The following ZC2HC1C variants were observed in gnomAD, a reference collection of about 807,000 sequenced individuals.
ZC2HC1C encodes the protein zinc finger C2HC-type containing 1C, also known as zinc finger C2HC domain-containing protein 1C.
A neutral mutation model predicts 39.2 loss-of-function variants in ZC2HC1C; 25 were observed. The ratio of observed to expected loss-of-function variants is 0.64; its 90% confidence interval spans 0.47 to 0.89. The LOEUF is 0.89. Ranked by LOEUF, ZC2HC1C falls within the 40% of genes least tolerant of loss-of-function variation. The pLI, the probability that ZC2HC1C is intolerant of heterozygous loss-of-function variation, is 0.00. For missense variants in ZC2HC1C, 519 were observed against 548.6 expected (o/e 0.95, Z 0.54); for synonymous variants, 209 against 214.4 (o/e 0.97, Z 0.22).
chr14:75,070,276 C>T (rs1893296490), intron 1 of ZC2HC1C, among the ~76,000 whole-genome samples: 1 of 152,174 alleles, frequency 6.6e-6, no homozygotes, highest in Admixed American at 6.5e-5. Context: ...ATAGAGTATA[C>T]TGTGCGTGGC....
chr14:75,070,581 G>A lies in ZC2HC1C; in HGVS notation c.8G>A (p.Gly3Asp). ...CGTCAGTCCAGGCCCTGAATGGCTG[G>A]TCTCCAGCGGTTGGCGTCACATCTG... Reference protein sequence around the residue: MAGLQRLASHLPV... With the variant: MADLQRLASHLPV... The change falls in exon 2 of 3, where the codon GGT (glycine) becomes GAT (aspartate). Residue 3 changes from glycine (G) to aspartate (D), a missense_variant. By Grantham distance (94) the Gly-to-Asp change is moderately conservative. Transcript: ENST00000524913. The A allele has an allele frequency of 6.2e-7, 1 of 1,608,916 alleles. No homozygotes were observed. Among genetic ancestry groups the A allele is most frequent in the Non-Finnish European group, 8.5e-7 (1 of 1,177,348 alleles).
At chr14:75,075,391 C>T (rs1470897727) in intron 2 of ZC2HC1C, among the ~76,000 whole-genome samples, 1 of 152,160 alleles carries the variant, frequency 6.6e-6, no homozygotes, top group African/African-American at 2.4e-5. Flanking sequence ...TTACTCCTTC[C>T]TTTGCTGAAG....
At position 75,071,205 on chromosome 14, in the gene ZC2HC1C, TGCAGATCCGA is replaced by T; in HGVS notation, c.633_642del (p.Gln212AspfsTer2). The T allele has an allele frequency of 6.2e-7, 1 of 1,614,020 alleles. No individual in the cohort carries two copies. Among genetic ancestry groups the T allele is most frequent in the Non-Finnish European group, 8.5e-7 (1 of 1,180,002 alleles). ...GCAAACTTTGACAGGACGGAGTGGG[TGCAGATCCGA>T]AGACTAGAAGCTGCAGGGGAGAGCT... On this transcript the variant is annotated frameshift_variant, in exon 2 of 3. Coordinates refer to ENST00000524913, the MANE Select transcript of ZC2HC1C (RefSeq NM_024643.4). LOFTEE classifies it high-confidence loss of function.
rs373057024 is a variant in ZC2HC1C at position 75,071,488 on chromosome 14, T to C, written c.915T>C (p.Thr305=). Residue 305 remains threonine, a synonymous_variant, in exon 2 of 3, where the codon ACT becomes ACC. Coordinates refer to ENST00000524913, the MANE Select transcript of ZC2HC1C (RefSeq NM_024643.4). ...GTAGAGACAGGAGAGAGGATGAAAC[T>C]TGGGGACGGTCTCAACAAAATTCAG... ...EFSRDRREDE[T]WGRSQQNSGP... The C allele has an allele frequency of 3.7e-6, 6 of 1,614,028 alleles. No individual in the cohort carries two copies. In the East Asian group the frequency reaches 8.9e-5, roughly 24 times the overall value.
chr14:75,070,489 G>C, intron 1 of ZC2HC1C, 66 bp from the exon 2 acceptor site: 1 of 1,508,806 alleles, frequency 6.6e-7, no homozygotes, highest in Non-Finnish European at 8.9e-7. Flanking sequence ...GAAATAGTTT[G>C]CTTTAGCAGC....
rs202071124 is a variant in ZC2HC1C at position 75,070,643 on chromosome 14, G to C, written c.70G>C (p.Ala24Pro). 651 of 1,614,176 alleles carry C rather than the reference G, an allele frequency of 4.0e-4. 3 individuals carry two copies. The South Asian group carries it at 4.9e-3, about 12-fold the overall frequency. Residue 24 changes from alanine (A) to proline (P), a missense_variant, in exon 2 of 3, where the codon GCT becomes CCT. Ala to Pro is a conservative substitution (Grantham distance 27). Transcript: ENST00000524913. ...TATGCTCCCACATAATACAACGGAA[G>C]CTCCAGGGCCCCACTCAGCCAAGCA... Reference protein sequence around the residue: ...GVMLPHNTTEAPGPHSAKQDS... With the variant: ...GVMLPHNTTEPPGPHSAKQDS...
At position 75,078,790 on chromosome 14, in the gene ZC2HC1C, G is replaced by A. The variant is rs947712579; in HGVS notation, c.*1226G>A. ...ACATGCCCTTGGCAATTATAGCATA[G>A]TCAACTTCTATTTCAGAGAGTAAAC... On this transcript the variant is annotated 3_prime_UTR_variant, in exon 3 of 3. Coordinates refer to ENST00000524913, the MANE Select transcript of ZC2HC1C (RefSeq NM_024643.4). 7 of 152,182 alleles carry A rather than the reference G, an allele frequency of 4.6e-5. No individual in the cohort carries two copies. The highest frequency in any genetic ancestry group is 1.7e-4 in the African/African-American group (7 of 41,430). 9.4% of individuals were successfully genotyped at this position (152,182 alleles called of 1,614,324 possible).
At position 75,070,926 on chromosome 14, in the gene ZC2HC1C, C is replaced by T; in HGVS notation, c.353C>T (p.Pro118Leu). Residue 118 changes from proline to leucine, a missense_variant, in exon 2 of 3, where the codon CCC becomes CTC. Transcript: ENST00000524913. ...FYSSGPQSWY[P>L]KANNQDFIPF... ...TCGTCAGGCCCTCAATCCTGGTATC[C>T]CAAAGCCAATAACCAGGACTTTATC... 3 of 1,614,162 alleles carry T rather than the reference C, an allele frequency of 1.9e-6. No individual in the cohort carries two copies. Among genetic ancestry groups the T allele is most frequent in the Non-Finnish European group, 2.5e-6 (3 of 1,180,014 alleles).
chr14:75,076,953 C>T, intron 2 of ZC2HC1C, among the ~76,000 whole-genome samples: 1 of 152,160 alleles, frequency 6.6e-6, no homozygotes, highest in East Asian at 1.9e-4. Context: ...AGGCTTTTCT[C>T]TGGACTGTTC....
At position 75,079,077 on chromosome 14, in the gene ZC2HC1C, G is replaced by A. The variant is rs1183830609; in HGVS notation, c.*1513G>A. On this transcript the variant is annotated 3_prime_UTR_variant, in exon 3 of 3. Transcript: ENST00000524913. ...CTCAAATTGTTAGTTTAAAATACTG[G>A]AGAAAAACTGCTCAATTTGAGCTAG... The A allele has an allele frequency of 2.0e-5, 3 of 151,982 alleles. No individual in the cohort carries two copies. Among genetic ancestry groups the A allele is most frequent in the Admixed American group, 6.6e-5 (1 of 15,252 alleles). 9.4% of individuals were successfully genotyped at this position (151,982 alleles called of 1,614,324 possible). A position where few individuals can be genotyped will look rare whatever the true frequency, so the allele number is the denominator to read the frequency against.
intron 2 of ZC2HC1C, among the ~76,000 whole-genome samples, chr14:75,076,843 C>T (rs911900501): frequency 5.9e-5 from 9 of 152,102 alleles, no homozygotes; most frequent in African/African-American, 2.2e-4. Context: ...GCTGTCCTTT[C>T]ATATTTAAGC....
Position 75,077,663 on chromosome 14 carries a change from T to A in ZC2HC1C, c.*99T>A. 1 of 1,483,260 alleles carries A rather than the reference T, an allele frequency of 6.7e-7. No individual in the cohort carries two copies. Among genetic ancestry groups the A allele is most frequent in the Non-Finnish European group, 9.3e-7 (1 of 1,073,796 alleles). The allele number at this position is 1,483,260 out of a possible 1,614,324, so 91.9% of individuals were successfully genotyped here. A position where few individuals can be genotyped will look rare whatever the true frequency, so the allele number is the denominator to read the frequency against. ...GTTCACACTTGCCTCCCATCCTGCC[T>A]GCAGAAAACCCAGACTGCATTCAGT... On this transcript the variant is annotated 3_prime_UTR_variant, in exon 3 of 3. Transcript: ENST00000524913.
At position 75,070,616 on chromosome 14, in the gene ZC2HC1C, G is replaced by A; in HGVS notation, c.43G>A (p.Val15Ile). 3.1e-6 allele frequency: 5 copies of A among 1,613,902 alleles called. No individual in the cohort carries two copies. Among genetic ancestry groups the A allele is most frequent in the Non-Finnish European group, 2.5e-6 (3 of 1,179,930 alleles). ...GTTGGCGTCACATCTGCCTGTGGGCGTTATGCTCCCACATAATACAACGGA... is the reference window on the plus strand; with the variant it reads ...GTTGGCGTCACATCTGCCTGTGGGCATTATGCTCCCACATAATACAACGGA... ...QRLASHLPVG[V>I]MLPHNTTEAP... is the part of the protein sequence containing the mutation. Residue 15 changes from valine (V) to isoleucine (I), a missense_variant, in exon 2 of 3, where the codon GTT becomes ATT. Transcript: ENST00000524913.
At chr14:75,072,813 A>G (rs1893489878) in intron 2 of ZC2HC1C, among the ~76,000 whole-genome samples, 1 of 152,240 alleles carries the variant, frequency 6.6e-6, no homozygotes, top group Non-Finnish European at 1.5e-5. Context: ...TTCGTCGTTT[A>G]GTGTTATATT....
Position 75,070,786 on chromosome 14 carries a change from C to T in ZC2HC1C, c.213C>T (p.His71=), listed in dbSNP as rs747660667. 2 of 1,614,088 alleles carry T rather than the reference C, an allele frequency of 1.2e-6. No homozygotes were observed. The highest frequency in any genetic ancestry group is 1.1e-5 in the South Asian group (1 of 91,080). The change falls in exon 2 of 3, where the codon CAC becomes CAT. Residue 71 remains histidine, a synonymous_variant. Coordinates refer to ENST00000524913, the MANE Select transcript of ZC2HC1C (RefSeq NM_024643.4). ...TGATTCTGGATAAAGTCTATACTCA[C>T]CCCAAATGGAACACCCAAACAAAAG... The part of the protein sequence containing the change: ...KELILDKVYT[H]PKWNTQTKAR...
chr14:75,070,889 GGTTT>G lies in ZC2HC1C; in HGVS notation c.321_324del (p.Leu107PhefsTer34). 1 of 1,614,218 alleles carries G rather than the reference GGTTT, an allele frequency of 6.2e-7. No homozygotes were observed. Among genetic ancestry groups the G allele is most frequent in the Non-Finnish European group, 8.5e-7 (1 of 1,180,038 alleles). On this transcript the variant is annotated frameshift_variant, in exon 2 of 3. Coordinates refer to ENST00000524913, the MANE Select transcript of ZC2HC1C (RefSeq NM_024643.4). LOFTEE classifies it high-confidence loss of function. Reference sequence around the variant, plus strand: ...AAGTGATTCCCAGGGCCAAGGAAATGGTTTGTTTTACTCGTCAGGCCCTCAATCC... The same window carrying G: ...AAGTGATTCCCAGGGCCAAGGAAATGGTTTTACTCGTCAGGCCCTCAATCC...
In ZC2HC1C at chr14:75,078,365, C is replaced by G. The variant is rs1594813618; in HGVS notation, c.*801C>G. 1.3e-5 allele frequency: 2 copies of G among 152,122 alleles called. No homozygotes were observed. The highest frequency in any genetic ancestry group is 4.8e-5 in the African/African-American group (2 of 41,390). The allele number at this position is 152,122 out of a possible 1,614,324, so 9.4% of individuals were successfully genotyped here. On this transcript the variant is annotated 3_prime_UTR_variant, in exon 3 of 3. Transcript: ENST00000524913. ...ATACAAGTATGTAAGGTTAAGGCAC[C>G]AATGTCTCCTAAACCTTCCCTATGG...
chr14:75,071,492 G>C lies in ZC2HC1C; in HGVS notation c.919G>C (p.Gly307Arg), dbSNP rs769976408. The change falls in exon 2 of 3, where the codon GGA becomes CGA. Residue 307 changes from glycine to arginine, a missense_variant. By Grantham distance (125) the Gly-to-Arg change is moderately radical. Transcript: ENST00000524913. Reference protein sequence around the residue: ...SRDRREDETWGRSQQNSGPFQ... With the variant: ...SRDRREDETWRRSQQNSGPFQ... Reference sequence around the variant, plus strand: ...AGACAGGAGAGAGGATGAAACTTGGGGACGGTCTCAACAAAATTCAGGTCC... The same window carrying C: ...AGACAGGAGAGAGGATGAAACTTGGCGACGGTCTCAACAAAATTCAGGTCC... The C allele has an allele frequency of 5.6e-6, 9 of 1,613,906 alleles. No homozygotes were observed. The African/African-American group carries it at 8.0e-5, about 14-fold the overall frequency.
At chr14:75,072,245 A>G (rs1167626079) in intron 2 of ZC2HC1C, among the ~76,000 whole-genome samples, 1 of 152,214 alleles carries the variant, frequency 6.6e-6, no homozygotes, top group African/African-American at 2.4e-5. Context: ...TGTCCTTTGG[A>G]TTATAAAAGT....
Sources: allele counts gnomAD v4.1 joint callset (sites outside exome capture counted in the v4.1 genomes callset), GRCh38; gene constraint gnomAD v4.1.1; transcripts MANE v1.5; gene names NCBI Gene and HGNC (gene_info 2026-07-23, HGNC 2026-07-21).